Variants in CCDC102B observed in about 807,000 individuals in gnomAD.
CCDC102B encodes the protein coiled-coil domain-containing protein 102B.
CCDC102B carries 75 observed loss-of-function variants against 57.4 expected under a neutral mutation model. The observed-to-expected ratio is 1.31, with a 90% CI of 1.08 to 1.58. The LOEUF (loss-of-function observed/expected upper bound fraction) is 1.58. Ranked by LOEUF, CCDC102B falls within the 40% of genes most tolerant of loss-of-function variation. The pLI, the probability that CCDC102B is intolerant of heterozygous loss-of-function variation, is 0.00. For synonymous variants in CCDC102B, 206 were observed against 201.9 expected, an observed-to-expected ratio of 1.02 and a Z score of -0.17; for missense variants, 636 against 582.6, an observed-to-expected ratio of 1.09 and a Z score of -0.94.
At chr18:69,044,665 C>T (rs75080866) in intron 7 of CCDC102B, among the ~76,000 whole-genome samples, 2,090 of 152,098 alleles carry the variant, frequency 0.014, 34 homozygotes, top group East Asian at 0.08. Context: ...TTATTATTTC[C>T]TTTTTAAAAT....
intron 2 of CCDC102B, chr18:68,720,960 G>A (rs2145184605): frequency 6.6e-6 from 1 of 152,332 alleles, no homozygotes; most frequent in African/African-American, 2.4e-5. Flanking sequence ...AGTAATCCCA[G>A]TTGCTTTGGA....
intron 2 of CCDC102B, among the ~76,000 whole-genome samples, chr18:68,759,808 A>G (rs2034194206): frequency 6.6e-6 from 1 of 152,098 alleles, no homozygotes; most frequent in Non-Finnish European, 1.5e-5. Flanking sequence ...CCTACAGAGC[A>G]TCCCTGCTAT....
chr18:68,834,454 T>TA (rs1568275774), intron 1 of CCDC102B, among the ~76,000 whole-genome samples: 1 of 146,882 alleles, frequency 6.8e-6, no homozygotes, highest in Non-Finnish European at 1.5e-5. Flanking sequence ...TATATATATA[T>TA]TTGCTGTGTT....
At chr18:68,921,427 A>C (rs2041276209) in intron 6 of CCDC102B, among the ~76,000 whole-genome samples, 1 of 152,206 alleles carries the variant, frequency 6.6e-6, no homozygotes, top group African/African-American at 2.4e-5. Flanking sequence ...AATTTTAGTC[A>C]CTGGAACTGT....
At position 69,028,429 on chromosome 18, in the gene CCDC102B, A is replaced by G. The variant is rs537311339; in HGVS notation, c.1434+17325A>G. Among the ~76,000 whole-genome samples the G allele has an allele frequency of 5.3e-5, 8 of 152,278 alleles. No homozygotes were observed. In the East Asian group the frequency reaches 1.5e-3, roughly 29 times the overall value. Reference sequence around the variant, plus strand: ...CTAGAAGCACAAGGCCTTGAAAACCATGTTGGGGAATTTAAACATTATTTG... The same window carrying G: ...CTAGAAGCACAAGGCCTTGAAAACCGTGTTGGGGAATTTAAACATTATTTG... On this transcript the variant is annotated intron_variant, in intron 7 of 7. Coordinates refer to ENST00000360242, the MANE Select transcript of CCDC102B (RefSeq NM_024781.3).
At chr18:68,845,282 AAT>A (rs1464811785) in intron 3 of CCDC102B, among the ~76,000 whole-genome samples, 1 of 151,856 alleles carries the variant, frequency 6.6e-6, no homozygotes, top group Non-Finnish European at 1.5e-5. Flanking sequence ...TAGCTCTGTG[AAT>A]ATGTTTCTAA....
chr18:69,008,974 T>A (rs2051426524), intron 6 of CCDC102B, among the ~76,000 whole-genome samples: 1 of 152,246 alleles, frequency 6.6e-6, no homozygotes, highest in African/African-American at 2.4e-5. Context: ...TTTCCAATAT[T>A]CACTGTAAAT....
At chr18:68,942,908 C>T (rs12956832) in intron 6 of CCDC102B, among the ~76,000 whole-genome samples, 66,941 of 124,676 alleles carry the variant, frequency 0.54, 20,011 homozygotes, top group Non-Finnish European at 0.65. Flanking sequence ...TGGACAATAC[C>T]TGGCTTTCCT....
chr18:68,913,731 T>G (rs999451006), intron 6 of CCDC102B, among the ~76,000 whole-genome samples: 13 of 152,016 alleles, frequency 8.6e-5, no homozygotes, highest in Non-Finnish European at 1.3e-4. Flanking sequence ...AAAGTGTAAT[T>G]TAACAGGAAG....
At chr18:68,983,196 G>A (rs755798815) in intron 6 of CCDC102B, among the ~76,000 whole-genome samples, 1 of 151,398 alleles carries the variant, frequency 6.6e-6, no homozygotes, top group Admixed American at 6.6e-5. Flanking sequence ...ATTTGGGTGA[G>A]TATATGAGCT....
At chr18:69,024,540 T>C (rs376398279) in intron 7 of CCDC102B, among the ~76,000 whole-genome samples, 1 of 152,078 alleles carries the variant, frequency 6.6e-6, no homozygotes, top group South Asian at 2.1e-4. Context: ...ACTTTATAAT[T>C]TGATGCATTT....
At chr18:68,766,466 G>C (rs2034473847) in intron 2 of CCDC102B, among the ~76,000 whole-genome samples, 1 of 152,160 alleles carries the variant, frequency 6.6e-6, no homozygotes, top group African/African-American at 2.4e-5. Flanking sequence ...CCCACGTCAA[G>C]TGTGGGATGA....
intron 2 of CCDC102B, among the ~76,000 whole-genome samples, chr18:68,776,862 T>C (rs767429087): frequency 4.6e-5 from 7 of 152,240 alleles, no homozygotes; most frequent in Non-Finnish European, 1.0e-4. Flanking sequence ...TATTTCTGGT[T>C]AGTCTCAAAG....
intron 6 of CCDC102B, among the ~76,000 whole-genome samples, chr18:68,927,080 A>C (rs2041497956): frequency 6.6e-6 from 1 of 151,950 alleles, no homozygotes; most frequent in Admixed American, 6.6e-5. Context: ...GAAATATTTG[A>C]GTCTGTGGTA....
At chr18:68,845,698 G>T (rs1390490413) in intron 3 of CCDC102B, among the ~76,000 whole-genome samples, 1 of 151,784 alleles carries the variant, frequency 6.6e-6, no homozygotes, top group African/African-American at 2.4e-5. Flanking sequence ...CCAGTGGTTG[G>T]TGTATTAAAG....
intron 6 of CCDC102B, among the ~76,000 whole-genome samples, chr18:68,998,991 TATATATATAGAGAGAGAGAGAG>T (rs781742137): frequency 0.028 from 1,974 of 70,066 alleles, 13 homozygotes; most frequent in Non-Finnish European, 0.043. Context: ...TATATATATA[TATATATATAGAGAGAGAGAGAG>T]AGAGAGAGAG....
intron 6 of CCDC102B, among the ~76,000 whole-genome samples, chr18:68,951,636 C>T (rs537998652): frequency 3.3e-4 from 50 of 151,964 alleles, no homozygotes; most frequent in African/African-American, 1.1e-3. Context: ...GGTGAAACCC[C>T]GTCTCTACTA....
chr18:68,775,276 A>G (rs2034773662), intron 2 of CCDC102B, among the ~76,000 whole-genome samples: 1 of 152,102 alleles, frequency 6.6e-6, no homozygotes, highest in Non-Finnish European at 1.5e-5. Context: ...ATATTTTTTA[A>G]AGTGGCAATA....
At chr18:69,017,418 G>C (rs1324443494) in intron 7 of CCDC102B, among the ~76,000 whole-genome samples, 1 of 151,998 alleles carries the variant, frequency 6.6e-6, no homozygotes, top group Non-Finnish European at 1.5e-5. Flanking sequence ...GAACCATCTT[G>C]CCAGGCCAGT....
Sources: gnomAD v4.1 joint callset for allele counts (sites outside exome capture counted in the v4.1 genomes callset) on GRCh38, gnomAD v4.1.1 for gene constraint, MANE v1.5 for transcripts, NCBI Gene and HGNC (gene_info 2026-07-23, HGNC 2026-07-21) for gene names.